NDUFAF6: variants seen among roughly 807,000 people sequenced by gnomAD.
NDUFAF6 encodes NADH dehydrogenase (ubiquinone) complex I, assembly factor 6.
NDUFAF6 carries 45 observed loss-of-function variants against 40.8 expected under a neutral mutation model. The ratio of observed to expected loss-of-function variants is 1.10; its 90% CI spans 0.87 to 1.42. NDUFAF6 has a LOEUF of 1.42. Among genes scored for constraint, NDUFAF6 ranks in the 40% most tolerant of loss-of-function variants. NDUFAF6 has a pLI of 0.00. For synonymous variants in NDUFAF6, 185 were observed against 155.9 expected, an observed-to-expected ratio of 1.19 and a Z score of -1.39; for missense variants, 435 against 418.5, an observed-to-expected ratio of 1.04 and a Z score of -0.34.
intron 2 of NDUFAF6, among the ~76,000 whole-genome samples, chr8:94,982,267 A>G (rs1825510623): frequency 6.6e-6 from 1 of 152,122 alleles, no homozygotes; most frequent in Non-Finnish European, 1.5e-5. Context: ...CTATGCTTAG[A>G]TGTGTTTAGA....
At chr8:94,969,016 C>T (rs1421465082) in intron 1 of NDUFAF6, among the ~76,000 whole-genome samples, 1 of 152,096 alleles carries the variant, frequency 6.6e-6, no homozygotes, top group Non-Finnish European at 1.5e-5. Context: ...AGATTTTGAC[C>T]ATGTTAAGTT....
At chr8:95,019,156 T>A (rs1330211982) in intron 2 of NDUFAF6, among the ~76,000 whole-genome samples, 1 of 152,144 alleles carries the variant, frequency 6.6e-6, no homozygotes, top group Admixed American at 6.5e-5. Context: ...GACTACAGGT[T>A]TGCGCCACCA....
chr8:95,009,811 C>A (rs1827155288), intron 2 of NDUFAF6, among the ~76,000 whole-genome samples: 1 of 152,130 alleles, frequency 6.6e-6, no homozygotes, highest in Non-Finnish European at 1.5e-5. Flanking sequence ...ACAAATATAT[C>A]CCTCTATTGA....
chr8:95,057,898 AT>A lies in NDUFAF6; in HGVS notation c.965del (p.Leu322TyrfsTer19). ...TACAGCAGAAGAATACATTACTTCC[AT>A]TATATTTGTATATTCAGTCATGGAG... ...SLQQKNTLLP[L>X]YLYIQSWRKT... On this transcript the variant is annotated frameshift_variant, in exon 9 of 9. Coordinates refer to ENST00000396124, the MANE Select transcript of NDUFAF6 (RefSeq NM_152416.4). LOFTEE classifies it high-confidence loss of function. 6.4e-7 allele frequency: 1 copy of A among 1,565,148 alleles called. No homozygotes were observed. Among genetic ancestry groups the A allele is most frequent in the South Asian group, 1.1e-5 (1 of 89,932 alleles).
At chr8:94,899,544 T>C (rs1416847123) in intron 1 of NDUFAF6, among the ~76,000 whole-genome samples, 1 of 152,230 alleles carries the variant, frequency 6.6e-6, no homozygotes, top group Non-Finnish European at 1.5e-5. Flanking sequence ...ATGACTGTCA[T>C]TCCTGGTTTA....
intron 1 of NDUFAF6, among the ~76,000 whole-genome samples, chr8:95,026,288 C>T (rs992531403): frequency 4.6e-5 from 7 of 151,978 alleles, no homozygotes; most frequent in South Asian, 2.1e-4. Context: ...GCCAACATGG[C>T]GAAACCCCAT....
At chr8:95,097,779 G>C (rs1231372697), upstream of NDUFAF6, among the ~76,000 whole-genome samples, 1 of 152,198 alleles carries the variant, frequency 6.6e-6, no homozygotes, top group Non-Finnish European at 1.5e-5. Flanking sequence ...TGAAAATTAA[G>C]CATTTAGAAG....
At chr8:95,094,023 T>TG (rs1258322746) in intron 2 of NDUFAF6, among the ~76,000 whole-genome samples, 3 of 152,178 alleles carry the variant, frequency 2.0e-5, no homozygotes, top group African/African-American at 7.2e-5. Context: ...CAGGCTAGAG[T>TG]GCAGTGGCGT....
At chr8:95,069,803 A>G (rs1563851779) in intron 9 of NDUFAF6, among the ~76,000 whole-genome samples, 1 of 144,954 alleles carries the variant, frequency 6.9e-6, no homozygotes, top group Admixed American at 6.9e-5. Flanking sequence ...AATTATATAT[A>G]TATATATAAA....
intron 2 of NDUFAF6, among the ~76,000 whole-genome samples, chr8:95,008,184 C>T (rs1168463462): frequency 6.6e-6 from 1 of 152,182 alleles, no homozygotes; most frequent in Non-Finnish European, 1.5e-5. Flanking sequence ...TCCTCTCTTA[C>T]CACAAGCCAA....
At chr8:94,948,765 TGGAGGGGAGTGA>T (rs1304607568) in intron 2 of NDUFAF6, among the ~76,000 whole-genome samples, 3 of 145,886 alleles carry the variant, frequency 2.1e-5, no homozygotes, top group Admixed American at 2.0e-4. Flanking sequence ...GGAGGAGGAG[TGGAGGGGAGTGA>T]GGAGGGGTGA....
chr8:94,972,133 G>A (rs1824517462), intron 1 of NDUFAF6, among the ~76,000 whole-genome samples: 1 of 152,194 alleles, frequency 6.6e-6, no homozygotes, highest in Non-Finnish European at 1.5e-5. Context: ...CAGAGAGAAA[G>A]CTCTCCTAGA....
intron 4 of NDUFAF6, among the ~76,000 whole-genome samples, chr8:95,110,435 GAC>G (rs1231057298): frequency 6.6e-6 from 1 of 152,162 alleles, no homozygotes; most frequent in Non-Finnish European, 1.5e-5. Flanking sequence ...TACAGTGTTG[GAC>G]ACATTCCAGT....
intron 1 of NDUFAF6, among the ~76,000 whole-genome samples, chr8:94,908,854 C>A (rs939230375): frequency 2.0e-5 from 3 of 152,052 alleles, no homozygotes; most frequent in Admixed American, 2.0e-4. Flanking sequence ...TGAACCCAAG[C>A]CTTGACTCCT....
At chr8:94,958,836 A>G (rs1823311406) in intron 1 of NDUFAF6, among the ~76,000 whole-genome samples, 1 of 152,194 alleles carries the variant, frequency 6.6e-6, no homozygotes, top group Non-Finnish European at 1.5e-5. Context: ...CTGAAGTGCT[A>G]GAGATTAGGG....
chr8:94,919,631 C>T lies in NDUFAF6; in HGVS notation c.-936+23704C>T, dbSNP rs1203457747. On this transcript the variant is annotated intron_variant, in intron 1 of 14. Transcript: ENST00000396113. ...TTCCATCCCAGGGACAGAGAGGATG[C>T]TCCAAGCCCTCTAGAGTGATAGCCA... 2.0e-5 allele frequency among the ~76,000 whole-genome samples: 3 copies of T among 152,294 alleles called. No individual in the cohort carries two copies. The East Asian group carries it at 5.8e-4, about 29-fold the overall frequency.
At chr8:94,918,204 A>C (rs1308948335) in intron 1 of NDUFAF6, among the ~76,000 whole-genome samples, 1 of 152,202 alleles carries the variant, frequency 6.6e-6, no homozygotes. Flanking sequence ...GTCCAGGCAC[A>C]CCAGAGACAC....
intron 1 of NDUFAF6, among the ~76,000 whole-genome samples, chr8:94,901,915 G>A (rs1364188504): frequency 6.6e-6 from 1 of 152,152 alleles, no homozygotes; most frequent in Non-Finnish European, 1.5e-5. Flanking sequence ...ATTCAGCAAA[G>A]TTGAAAGGAT....
intron 2 of NDUFAF6, among the ~76,000 whole-genome samples, chr8:95,000,792 CA>C (rs1409729944): frequency 6.6e-6 from 1 of 151,804 alleles, no homozygotes; most frequent in Non-Finnish European, 1.5e-5. Flanking sequence ...AAAAATTGGC[CA>C]GGGGTGGAGA....
Sources: gnomAD v4.1 joint callset for allele counts (sites outside exome capture counted in the v4.1 genomes callset) on GRCh38, gnomAD v4.1.1 for gene constraint, MANE v1.5 for transcripts, NCBI Gene and HGNC (gene_info 2026-07-23, HGNC 2026-07-21) for gene names.